The following KIF4B variants were observed in gnomAD, a reference collection of about 807,000 sequenced individuals.
KIF4B encodes kinesin family member 4B, also known as chromosome-associated kinesin KIF4B.
A neutral mutation model predicts 69.0 loss-of-function variants in KIF4B; 60 were observed. The ratio of observed to expected loss-of-function variants is 0.87; its 90% confidence interval spans 0.71 to 1.08. The LOEUF (loss-of-function observed/expected upper bound fraction) is 1.08. KIF4B is among the 50% of genes least tolerant of loss of function. The probability of loss-of-function intolerance (pLI) is 0.00; values close to 1 mark genes in which losing one functional copy is unlikely to be tolerated. For synonymous variants in KIF4B, 489 were observed against 533.0 expected (o/e 0.92, Z 1.14); for missense variants, 1,357 against 1,451.9 (o/e 0.93, Z 1.06).
rs1582713288 is a variant in KIF4B, at chr5:155,015,890, A to G, written c.2031A>G (p.Glu677=). 1 of 1,614,226 alleles carries G rather than the reference A, an allele frequency of 6.2e-7. No individual in the cohort carries two copies. Among genetic ancestry groups the G allele is most frequent in the East Asian group, 2.2e-5 (1 of 44,882 alleles). Reference sequence around the variant, plus strand: ...ACAAAGAAGTAATACAGTTGAAAGAACGAGACCGTAAGAGGCAATATGAGC... The same window carrying G: ...ACAAAGAAGTAATACAGTTGAAAGAGCGAGACCGTAAGAGGCAATATGAGC... ...KKDKEVIQLK[E]RDRKRQYELL... The change falls in exon 1 of 1, where the codon GAA becomes GAG. Residue 677 remains glutamate, a synonymous_variant. Coordinates refer to ENST00000435029, the MANE Select transcript of KIF4B (RefSeq NM_001099293.3).
chr5:155,015,648 C>T lies in KIF4B; in HGVS notation c.1789C>T (p.His597Tyr). 6.2e-7 allele frequency: 1 copy of T among 1,614,182 alleles called. No homozygotes were observed. Among genetic ancestry groups the T allele is most frequent in the Non-Finnish European group, 8.5e-7 (1 of 1,180,024 alleles). ...TGTCAACCAAGCCAAGCTGAGTGAG[C>T]ACCGCCACAAACTTCTCCAGGAGCT... ...KNVNQAKLSE[H>Y]RHKLLQELEG... is the part of the protein sequence containing the mutation. The change falls in exon 1 of 1, where the codon CAC (histidine) becomes TAC (tyrosine). Residue 597 changes from histidine (H) to tyrosine (Y), a missense_variant. Physicochemically the swap from His to Tyr is moderately conservative, Grantham distance 83. Coordinates refer to ENST00000435029, the MANE Select transcript of KIF4B (RefSeq NM_001099293.3).
Position 155,017,024 on chromosome 5 carries a change from T to C in KIF4B, c.3165T>C (p.His1055=). 6.2e-7 allele frequency: 1 copy of C among 1,614,180 alleles called. No individual in the cohort carries two copies. The highest frequency in any genetic ancestry group is 8.5e-7 in the Non-Finnish European group (1 of 1,180,028). Residue 1055 remains histidine (H), a synonymous_variant, in exon 1 of 1, where the codon CAT becomes CAC. Transcript: ENST00000435029. ...GTTCAGAGCATTCTGTGAATGAGCA[T>C]GAAGATGGTGATGGTGATGGCGACA... ...KYCSEHSVNE[H]EDGDGDGDSD...
chr5:155,015,506 A>G lies in KIF4B; in HGVS notation c.1647A>G (p.Gln549=). ...LVRKMTQNDN[Q]LQPIQFQYQD... ...GGAAGATGACTCAGAACGACAACCAACTACAGCCCATTCAGTTTCAATACC... is the reference window on the plus strand; with the variant it reads ...GGAAGATGACTCAGAACGACAACCAGCTACAGCCCATTCAGTTTCAATACC... The change falls in exon 1 of 1, where the codon CAA becomes CAG. Residue 549 remains glutamine, a synonymous_variant. Transcript: ENST00000435029. 2.5e-6 allele frequency: 4 copies of G among 1,614,196 alleles called. No individual in the cohort carries two copies. The highest frequency in any genetic ancestry group is 3.4e-6 in the Non-Finnish European group (4 of 1,180,036).
Position 155,015,211 on chromosome 5 carries a change from T to C in KIF4B, c.1352T>C (p.Val451Ala), listed in dbSNP as rs1248364274. The change falls in exon 1 of 1, where the codon GTG becomes GCG. Residue 451 changes from valine to alanine, a missense_variant. Physicochemically the swap from Val to Ala is moderately conservative, Grantham distance 64. Coordinates refer to ENST00000435029, the MANE Select transcript of KIF4B (RefSeq NM_001099293.3). Reference protein sequence around the residue: ...VACKLDLQKLVETLEDQELKE... With the variant: ...VACKLDLQKLAETLEDQELKE... Reference sequence around the variant, plus strand: ...TGCAAGCTGGATCTTCAAAAGCTAGTGGAGACTTTGGAAGACCAGGAATTG... The same window carrying C: ...TGCAAGCTGGATCTTCAAAAGCTAGCGGAGACTTTGGAAGACCAGGAATTG... 1.2e-6 allele frequency: 2 copies of C among 1,614,190 alleles called. No individual in the cohort carries two copies. The highest frequency in any genetic ancestry group is 1.1e-5 in the South Asian group (1 of 91,078).
rs1388000351 is a variant in KIF4B, at chr5:155,014,170, C to T, written c.311C>T (p.Ala104Val). The T allele has an allele frequency of 2.2e-5, 35 of 1,614,080 alleles. No individual in the cohort carries two copies. The highest frequency in any genetic ancestry group is 2.7e-5 in the Non-Finnish European group (32 of 1,180,050). ...TATTCAATGGGAGGTGCATACACTG[C>T]GGAGCAGGAGAATGAACCAACAGTT... ...KTYSMGGAYT[A>V]EQENEPTVGI... The change falls in exon 1 of 1, where the codon GCG becomes GTG. Residue 104 changes from alanine (A) to valine (V), a missense_variant. Transcript: ENST00000435029.
Position 155,015,470 on chromosome 5 carries a change from G to C in KIF4B, c.1611G>C (p.Glu537Asp), listed in dbSNP as rs753296178. 4 of 1,614,138 alleles carry C rather than the reference G, an allele frequency of 2.5e-6. No homozygotes were observed. The South Asian group carries it at 4.4e-5, about 18-fold the overall frequency. ...VELNNALALK[E>D]ALVRKMTQND... ...TGAATAACGCCCTTGCACTGAAAGA[G>C]GCCCTAGTTAGGAAGATGACTCAGA... Residue 537 changes from glutamate (E) to aspartate (D), a missense_variant, in exon 1 of 1, where the codon GAG (glutamate) becomes GAC (aspartate). Coordinates refer to ENST00000435029, the MANE Select transcript of KIF4B (RefSeq NM_001099293.3).
rs1765305763 is a variant in KIF4B at position 155,015,321 on chromosome 5, A to G, written c.1462A>G (p.Ile488Val). The G allele has an allele frequency of 6.2e-7, 1 of 1,614,114 alleles. No individual in the cohort carries two copies. Among genetic ancestry groups the G allele is most frequent in the Admixed American group, 1.7e-5 (1 of 60,010 alleles). Residue 488 changes from isoleucine (I) to valine (V), a missense_variant, in exon 1 of 1, where the codon ATT becomes GTT. Transcript: ENST00000435029. ...DETVACTAAA[I>V]DTAVEEEAQV... ...AACTGTTGCTTGCACGGCTGCAGCCATTGATACTGCGGTAGAAGAAGAAGC... is the reference window on the plus strand; with the variant it reads ...AACTGTTGCTTGCACGGCTGCAGCCGTTGATACTGCGGTAGAAGAAGAAGC...
At position 155,016,658 on chromosome 5, in the gene KIF4B, C is replaced by T; in HGVS notation, c.2799C>T (p.Tyr933=). 1 of 1,614,206 alleles carries T rather than the reference C, an allele frequency of 6.2e-7. No homozygotes were observed. The highest frequency in any genetic ancestry group is 8.5e-7 in the Non-Finnish European group (1 of 1,180,036). The change falls in exon 1 of 1, where the codon TAC becomes TAT. Residue 933 remains tyrosine, a synonymous_variant. Coordinates refer to ENST00000435029, the MANE Select transcript of KIF4B (RefSeq NM_001099293.3). The part of the protein sequence containing the change: ...MEQQHQEKVL[Y]LVSQLQESQM... ...AACAGCACCAAGAGAAGGTGCTATA[C>T]CTTGTCAGCCAGCTGCAGGAAAGCC... is the stretch of plus-strand genomic sequence containing the variant.
Position 155,013,785 on chromosome 5 carries a change from C to G in KIF4B, c.-75C>G. On this transcript the variant is annotated 5_prime_UTR_variant, in exon 1 of 1. Coordinates refer to ENST00000435029, the MANE Select transcript of KIF4B (RefSeq NM_001099293.3). ...TGAAACTTGGCGGTTAAAGCTCCGG[C>G]TGGGACAGGGCGGCGGGAGACCCCG... The G allele has an allele frequency of 6.3e-7, 1 of 1,581,852 alleles. No individual in the cohort carries two copies. Among genetic ancestry groups the G allele is most frequent in the Non-Finnish European group, 8.6e-7 (1 of 1,162,590 alleles).
chr5:155,015,240 G>T lies in KIF4B; in HGVS notation c.1381G>T (p.Glu461Ter). 1 of 1,614,242 alleles carries T rather than the reference G, an allele frequency of 6.2e-7. No homozygotes were observed. The highest frequency in any genetic ancestry group is 1.1e-5 in the South Asian group (1 of 91,090). Residue 461 changes from glutamate to a stop codon, truncating the protein, a stop_gained, in exon 1 of 1, where the codon GAA becomes TAA. Transcript: ENST00000435029. LOFTEE classifies it high-confidence loss of function. ...GACTTTGGAAGACCAGGAATTGAAA[G>T]AAAATGTAGAGATAATTTGTAACCT... ...VETLEDQELK[E>*]NVEIICNLQQ...
Position 155,016,610 on chromosome 5 carries a change from A to G in KIF4B, c.2751A>G (p.Gln917=), listed in dbSNP as rs200691830. Residue 917 remains glutamine (Q), a synonymous_variant, in exon 1 of 1, where the codon CAA becomes CAG. Transcript: ENST00000435029. The part of the protein sequence containing the change: ...NHFSEIETEL[Q]AELVRMEQQH... ...TTTCTGAGATAGAGACAGAGTTACA[A>G]GCTGAGCTGGTCAGAATGGAGCAAC... 1.3e-5 allele frequency: 21 copies of G among 1,614,244 alleles called. No individual in the cohort carries two copies. Among genetic ancestry groups the G allele is most frequent in the Admixed American group, 5.0e-5 (3 of 60,028 alleles).
At position 155,016,921 on chromosome 5, in the gene KIF4B, T is replaced by C. The variant is rs1428550149; in HGVS notation, c.3062T>C (p.Ile1021Thr). The C allele has an allele frequency of 6.2e-7, 1 of 1,614,102 alleles. No individual in the cohort carries two copies. Among genetic ancestry groups the C allele is most frequent in the Non-Finnish European group, 8.5e-7 (1 of 1,180,040 alleles). Residue 1021 changes from isoleucine (I) to threonine (T), a missense_variant, in exon 1 of 1, where the codon ATC becomes ACC. Transcript: ENST00000435029. ...LLSPDSSFEY[I>T]PPKPKPSRVK... ...TCTCCAGACTCTTCTTTTGAATATA[T>C]CCCACCTAAGCCAAAACCTTCTCGT...
chr5:155,015,952 G>T lies in KIF4B; in HGVS notation c.2093G>T (p.Ser698Ile). ...GAAAGAAACTTCCAGAAACAATCCA[G>T]TGTGCTCAGACGTAAAACGGAAGAG... ...KLERNFQKQS[S>I]VLRRKTEEAA... The change falls in exon 1 of 1, where the codon AGT becomes ATT. Residue 698 changes from serine (S) to isoleucine (I), a missense_variant. By Grantham distance (142) the Ser-to-Ile change is moderately radical (BLOSUM62 -2). Coordinates refer to ENST00000435029, the MANE Select transcript of KIF4B (RefSeq NM_001099293.3). 1 of 1,614,212 alleles carries T rather than the reference G, an allele frequency of 6.2e-7. No homozygotes were observed. The highest frequency in any genetic ancestry group is 1.3e-5 in the African/African-American group (1 of 75,048).
Position 155,013,987 on chromosome 5 carries a change from T to C in KIF4B, c.128T>C (p.Val43Ala). ...GTGCCCGGGGAGACTCAGGTGGTGG[T>C]TGGTACTGATAAATCCTTCACCTAC... ...SFVPGETQVV[V>A]GTDKSFTYDF... is the part of the protein sequence containing the mutation. The change falls in exon 1 of 1, where the codon GTT (valine) becomes GCT (alanine). Residue 43 changes from valine (V) to alanine (A), a missense_variant. Val to Ala is a moderately conservative substitution (Grantham distance 64). Transcript: ENST00000435029. The C allele has an allele frequency of 6.2e-7, 1 of 1,614,212 alleles. No individual in the cohort carries two copies. The highest frequency in any genetic ancestry group is 8.5e-7 in the Non-Finnish European group (1 of 1,180,050).
rs753118725 is a variant in KIF4B, at chr5:155,016,577, A to G, written c.2718A>G (p.Gln906=). The G allele has an allele frequency of 2.5e-6, 4 of 1,614,214 alleles. No homozygotes were observed. In the Admixed American group the frequency reaches 6.7e-5, roughly 27 times the overall value. ...ADMQKMLFEE[Q]NHFSEIETEL... The stretch of plus-strand genomic sequence containing the variant: ...TGCAGAAGATGCTATTTGAGGAACA[A>G]AATCATTTTTCTGAGATAGAGACAG... The change falls in exon 1 of 1, where the codon CAA becomes CAG. Residue 906 remains glutamine (Q), a synonymous_variant. Transcript: ENST00000435029.
In KIF4B at chr5:155,017,180, C is replaced by CTGTGG. The variant is rs774296867; in HGVS notation, c.3327_3331dup (p.Asp1111ValfsTer42). On this transcript the variant is annotated frameshift_variant, in exon 1 of 1. Coordinates refer to ENST00000435029, the MANE Select transcript of KIF4B (RefSeq NM_001099293.3). LOFTEE classifies it low-confidence loss of function (END_TRUNC). ...GTGGGTGCAGGAAGCAAAAGTCAGACTGTGGTGTGGACTGTAGCTGTGACC... is the reference window on the plus strand; with the variant it reads ...GTGGGTGCAGGAAGCAAAAGTCAGACTGTGGTGTGGTGTGGACTGTAGCTGTGACC... 2 of 1,614,206 alleles carry CTGTGG rather than the reference C, an allele frequency of 1.2e-6. No homozygotes were observed. The highest frequency in any genetic ancestry group is 4.5e-5 in the East Asian group (2 of 44,876).
At position 155,015,700 on chromosome 5, in the gene KIF4B, A is replaced by G. The variant is rs1218236865; in HGVS notation, c.1841A>G (p.Lys614Arg). Reference protein sequence around the residue: ...ELEGQIADLKKKLNEQSKLLK... With the variant: ...ELEGQIADLKRKLNEQSKLLK... Reference sequence around the variant, plus strand: ...GAGGGTCAAATAGCTGATCTGAAGAAGAAACTGAATGAGCAGTCCAAACTT... The same window carrying G: ...GAGGGTCAAATAGCTGATCTGAAGAGGAAACTGAATGAGCAGTCCAAACTT... The change falls in exon 1 of 1, where the codon AAG becomes AGG. Residue 614 changes from lysine (K) to arginine (R), a missense_variant. Lys to Arg is a conservative substitution (Grantham distance 26, BLOSUM62 2). Coordinates refer to ENST00000435029, the MANE Select transcript of KIF4B (RefSeq NM_001099293.3). 3.2e-5 allele frequency: 51 copies of G among 1,614,096 alleles called. No homozygotes were observed. The highest frequency in any genetic ancestry group is 4.2e-5 in the Non-Finnish European group (49 of 1,180,042).
At position 155,015,635 on chromosome 5, in the gene KIF4B, C is replaced by T. The variant is rs749229168; in HGVS notation, c.1776C>T (p.Ala592=). The change falls in exon 1 of 1, where the codon GCC becomes GCT. Residue 592 remains alanine, a synonymous_variant. Coordinates refer to ENST00000435029, the MANE Select transcript of KIF4B (RefSeq NM_001099293.3). Reference sequence around the variant, plus strand: ...CAGCAAAGAAGAATGTCAACCAAGCCAAGCTGAGTGAGCACCGCCACAAAC... The same window carrying T: ...CAGCAAAGAAGAATGTCAACCAAGCTAAGCTGAGTGAGCACCGCCACAAAC... ...LQTAKKNVNQ[A]KLSEHRHKLL... 1.2e-6 allele frequency: 2 copies of T among 1,614,070 alleles called. No individual in the cohort carries two copies. The highest frequency in any genetic ancestry group is 8.5e-7 in the Non-Finnish European group (1 of 1,180,054).
Position 155,014,552 on chromosome 5 carries a change from C to T in KIF4B, c.693C>T (p.Ser231=). The T allele has an allele frequency of 6.2e-7, 1 of 1,614,120 alleles. No homozygotes were observed. The highest frequency in any genetic ancestry group is 1.7e-4 in the Middle Eastern group (1 of 6,058). ...EQRKKSDKNC[S]FRSKLHLVDL... is the part of the protein sequence containing the mutation. ...GAAAGAAAAGTGACAAGAATTGCAG[C>T]TTTCGCTCCAAGCTGCATCTTGTAG... Residue 231 remains serine, a synonymous_variant, in exon 1 of 1, where the codon AGC becomes AGT. Transcript: ENST00000435029.
Sources: gnomAD v4.1 joint callset for allele counts on GRCh38, gnomAD v4.1.1 for gene constraint, MANE v1.5 for transcripts, NCBI Gene and HGNC (gene_info 2026-07-23, HGNC 2026-07-21) for gene names.